PIAS2: variants seen among roughly 807,000 people sequenced by gnomAD.
PIAS2 encodes protein inhibitor of activated STAT 2, also known as E3 SUMO-protein ligase PIAS2.
A neutral mutation model predicts 69.7 loss-of-function variants in PIAS2; 19 were observed. The observed-to-expected ratio is 0.27, with a 90% CI of 0.19 to 0.40. The LOEUF (loss-of-function observed/expected upper bound fraction) is 0.40, where lower values mean the gene tolerates loss of function less well. Ranked by LOEUF, PIAS2 falls within the 10% of genes least tolerant of loss-of-function variation. PIAS2 has a pLI of 1.00. For missense variants in PIAS2, 624 were observed against 757.0 expected, an observed-to-expected ratio of 0.82 and a Z score of 2.06; for synonymous variants, 261 against 263.2, an observed-to-expected ratio of 0.99 and a Z score of 0.08.
intron 1 of PIAS2, among the ~76,000 whole-genome samples, chr18:46,910,906 C>T (rs776649603): frequency 3.3e-5 from 5 of 152,250 alleles, no homozygotes; most frequent in Admixed American, 1.3e-4. Context: ...AAGTTTATCA[C>T]CAGCATATCC....
At chr18:46,824,950 C>T (rs902747840) in intron 11 of PIAS2, among the ~76,000 whole-genome samples, 9 of 150,662 alleles carry the variant, frequency 6.0e-5, no homozygotes, top group African/African-American at 1.7e-4. Context: ...CAGTGAGCCG[C>T]GATCACACCA....
At chr18:46,876,147 T>C (rs992956202) in intron 2 of PIAS2, among the ~76,000 whole-genome samples, 1 of 152,338 alleles carries the variant, frequency 6.6e-6, no homozygotes, top group East Asian at 1.9e-4. Flanking sequence ...CTCTGCCAAG[T>C]AACTAGAGCA....
At chr18:46,859,427 CAAAAAAAAAAAA>C (rs55776913) in intron 3 of PIAS2, among the ~76,000 whole-genome samples, 21,970 of 90,916 alleles carry the variant, frequency 0.24, 2,064 homozygotes, top group Admixed American at 0.31. Context: ...GACTCCGTCT[CAAAAAAAAAAAA>C]AAAAAAAAAA....
chr18:46,863,009 T>C (rs1203293585), intron 3 of PIAS2, among the ~76,000 whole-genome samples: 13 of 152,010 alleles, frequency 8.6e-5, no homozygotes. Context: ...CCCAGCCTTT[T>C]TAAAAATATT....
chr18:46,891,535 C>T (rs1433533332), intron 1 of PIAS2: 1 of 219,136 alleles, frequency 4.6e-6, no homozygotes, highest in Non-Finnish European at 7.7e-6. Context: ...AAAATCAAGT[C>T]AGAACTGTGA....
intron 11 of PIAS2, chr18:46,826,815 A>T (rs192490600): frequency 1.3e-5 from 2 of 152,340 alleles, no homozygotes; most frequent in Non-Finnish European, 2.9e-5. Context: ...TTGGAAATGT[A>T]AGTATTTTAA....
rs2047571414 is a variant in PIAS2 at position 46,855,271 on chromosome 18, T to C, written c.726+74A>G. 4.5e-6 allele frequency: 4 copies of C among 886,260 alleles called. No individual in the cohort carries two copies. The African/African-American group carries it at 6.7e-5, about 15-fold the overall frequency. The allele number at this position is 886,260 out of a possible 1,614,324, so 54.9% of individuals were successfully genotyped here. A position where few individuals can be genotyped will look rare whatever the true frequency, so the allele number is the denominator to read the frequency against. ...GTTCACTGGTATTCAGCTGTCACTG[T>C]TGCACTGTTTCTAGGCCTTGTCAGT... is the stretch of plus-strand genomic sequence containing the variant. On this transcript the variant is annotated intron_variant, in intron 5 of 13. Coordinates refer to ENST00000585916, the MANE Select transcript of PIAS2 (RefSeq NM_004671.5).
chr18:46,913,432 C>T lies in PIAS2; in HGVS notation c.24+3890G>A, dbSNP rs576723997. 3.3e-5 allele frequency among the ~76,000 whole-genome samples: 5 copies of T among 152,272 alleles called. No homozygotes were observed. The South Asian group carries it at 8.3e-4, about 25-fold the overall frequency. ...CAGTATCTATTGATAAAGTTATCAT[C>T]GCTGGCTCTCTCAGGCCAAATGCAC... On this transcript the variant is annotated intron_variant, in intron 1 of 13. Coordinates refer to ENST00000585916, the MANE Select transcript of PIAS2 (RefSeq NM_004671.5).
intron 1 of PIAS2, among the ~76,000 whole-genome samples, chr18:46,912,271 T>A: frequency 6.6e-6 from 1 of 152,182 alleles, no homozygotes; most frequent in East Asian, 1.9e-4. Context: ...GTCTCTTACA[T>A]GAAATGGCAT....
chr18:46,831,448 AAAAC>A (rs1051788269), intron 9 of PIAS2, among the ~76,000 whole-genome samples: 5 of 152,194 alleles, frequency 3.3e-5, no homozygotes, highest in African/African-American at 4.8e-5. Flanking sequence ...GAGTCAATGA[AAAAC>A]AAATCAAAAT....
At chr18:46,846,509 T>A (rs1158790161) in intron 6 of PIAS2, 198 bp downstream of exon 6, 1 of 407,334 alleles carries the variant, frequency 2.5e-6, no homozygotes, top group African/African-American at 2.0e-5. Context: ...AATAAAGAGA[T>A]GATATTCAGG....
At chr18:46,895,092 T>C (rs886086992) in intron 1 of PIAS2, among the ~76,000 whole-genome samples, 2 of 142,624 alleles carry the variant, frequency 1.4e-5, no homozygotes, top group Admixed American at 7.0e-5. Flanking sequence ...AAAAAAAAAA[T>C]ACCTCATCAA....
At chr18:46,852,590 T>G (rs750597241) in intron 5 of PIAS2, 14 of 152,312 alleles carry the variant, frequency 9.2e-5, no homozygotes, top group Admixed American at 2.0e-4. Flanking sequence ...CAGCAGTAAC[T>G]AAGTAACAAT....
At position 46,811,746 on chromosome 18, in the gene PIAS2, A is replaced by C. The variant is rs1471734170; in HGVS notation, c.*687T>G. ...TTAAACATAATCACCAATGAAGAGT[A>C]GCCAAATCCCAGAACTTCACACAGC... On this transcript the variant is annotated 3_prime_UTR_variant, in exon 14 of 14. Transcript: ENST00000585916. 1 of 152,270 alleles carries C rather than the reference A, an allele frequency of 6.6e-6. No homozygotes were observed. The highest frequency in any genetic ancestry group is 1.5e-5 in the Non-Finnish European group (1 of 68,050). 9.4% of individuals were successfully genotyped at this position (152,270 alleles called of 1,614,324 possible). A position where few individuals can be genotyped will look rare whatever the true frequency, so the allele number is the denominator to read the frequency against.
upstream of PIAS2, chr18:46,917,647 G>A (rs1000818255): frequency 4.3e-5 from 33 of 775,312 alleles, no homozygotes; most frequent in Admixed American, 1.8e-4. Flanking sequence ...CCGGCGTGCT[G>A]CCCCGCGGCT....
At chr18:46,914,013 G>A (rs1369702972) in intron 1 of PIAS2, among the ~76,000 whole-genome samples, 1 of 152,154 alleles carries the variant, frequency 6.6e-6, no homozygotes, top group Non-Finnish European at 1.5e-5. Flanking sequence ...AGAAGTTCAG[G>A]CCATCAAATC....
At chr18:46,868,735 T>C (rs1038808134) in intron 2 of PIAS2, among the ~76,000 whole-genome samples, 1 of 152,184 alleles carries the variant, frequency 6.6e-6, no homozygotes, top group African/African-American at 2.4e-5. Flanking sequence ...GGCATTTGGG[T>C]GCTTGTTTTC....
rs768471207 is a variant in PIAS2 at position 46,890,836 on chromosome 18, C to T, written c.243G>A (p.Ser81=). The change falls in exon 2 of 14, where the codon TCG becomes TCA. Residue 81 remains serine (S), a synonymous_variant. Coordinates refer to ENST00000585916, the MANE Select transcript of PIAS2 (RefSeq NM_004671.5). ...ATGAGCCACCATCCAAACTGAAAAC[C>T]GATGATTTGATTGTGGATAAATCAG... The part of the protein sequence containing the change: ...GLSDLSTIKS[S]VFSLDGGSSP... 3.3e-5 allele frequency: 53 copies of T among 1,614,022 alleles called. No homozygotes were observed. Among genetic ancestry groups the T allele is most frequent in the South Asian group, 1.1e-4 (10 of 91,066 alleles).
chr18:46,868,268 T>C lies in PIAS2; in HGVS notation c.500-4020A>G, dbSNP rs114095511. ...TTCTTTGCTCTTAAGCTCAACTTCC[T>C]TGTCCCTTCTCCTAAGCTATCTGCT... On this transcript the variant is annotated intron_variant, in intron 2 of 13. Coordinates refer to ENST00000585916, the MANE Select transcript of PIAS2 (RefSeq NM_004671.5). Among the ~76,000 whole-genome samples, 956 of 152,358 alleles carry C rather than the reference T, an allele frequency of 6.3e-3. 7 individuals are homozygous for C. Among genetic ancestry groups the C allele is most frequent in the African/African-American group, 0.022 (898 of 41,576 alleles).
Sources: allele counts gnomAD v4.1 joint callset (sites outside exome capture counted in the v4.1 genomes callset), GRCh38; gene constraint gnomAD v4.1.1; transcripts MANE v1.5; gene names NCBI Gene and HGNC (gene_info 2026-07-23, HGNC 2026-07-21).